KCNB2: variants seen among roughly 807,000 people sequenced by gnomAD.
KCNB2 encodes potassium voltage-gated channel subfamily B member 2.
KCNB2 carries 15 observed loss-of-function variants against 61.5 expected under a neutral mutation model. The observed-to-expected ratio is 0.24, with a 90% CI of 0.16 to 0.38. The LOEUF is 0.38. Among genes scored for constraint, KCNB2 ranks in the 10% least tolerant of loss-of-function variants. KCNB2 has a pLI of 1.00. For missense variants in KCNB2, 828 were observed against 1,125.2 expected, an observed-to-expected ratio of 0.74 and a Z score of 3.78; for synonymous variants, 457 against 446.0, an observed-to-expected ratio of 1.02 and a Z score of -0.31.
chr8:72,935,897 T>C, intron 2 of KCNB2, 38 bp from the exon 3 acceptor site: 1 of 1,492,278 alleles, frequency 6.7e-7, no homozygotes, highest in South Asian at 1.2e-5. Flanking sequence ...CCTAAGCAAC[T>C]AAGAGGATTT....
intron 1 of KCNB2, among the ~76,000 whole-genome samples, chr8:72,558,868 G>A (rs975511072): frequency 1.3e-5 from 2 of 152,138 alleles, no homozygotes; most frequent in Non-Finnish European, 2.9e-5. Flanking sequence ...TGGATCGTCA[G>A]GGAGGTCAGG....
chr8:72,905,303 A>G (rs1449102880), intron 2 of KCNB2, among the ~76,000 whole-genome samples: 1 of 152,130 alleles, frequency 6.6e-6, no homozygotes, highest in Non-Finnish European at 1.5e-5. Context: ...TTGCCCCTTT[A>G]GTCTGGCCAC....
At chr8:72,847,849 A>T (rs1332094885) in intron 2 of KCNB2, among the ~76,000 whole-genome samples, 1 of 152,214 alleles carries the variant, frequency 6.6e-6, no homozygotes, top group Non-Finnish European at 1.5e-5. Flanking sequence ...CATGTAACCC[A>T]GATAGTCATC....
chr8:72,825,255 CAGAG>C (rs144289011), intron 2 of KCNB2, among the ~76,000 whole-genome samples: 1 of 151,744 alleles, frequency 6.6e-6, no homozygotes, highest in African/African-American at 2.4e-5. Context: ...AATAATATTC[CAGAG>C]AGAGAGAGAG....
intron 2 of KCNB2, among the ~76,000 whole-genome samples, chr8:72,592,467 G>T (rs1238684891): frequency 1.3e-5 from 2 of 151,960 alleles, no homozygotes; most frequent in African/African-American, 2.4e-5. Flanking sequence ...GTGTGTGTGT[G>T]TGTGTGTGTG....
Position 72,561,691 on chromosome 8 carries a change from TTATATATA to T in KCNB2, c.-93-5921_-93-5914del, listed in dbSNP as rs1172254677. The stretch of plus-strand genomic sequence containing the variant: ...GCTGAAAATTTCCAGGATCTTACTT[TTATATATA>T]TATATATATATATATATATATATAT... On this transcript the variant is annotated intron_variant, in intron 1 of 2. Transcript: ENST00000523207. 2.1e-4 allele frequency among the ~76,000 whole-genome samples: 4 copies of T among 19,404 alleles called. 1 individual carries two copies. The highest frequency in any genetic ancestry group is 8.8e-4 in the Admixed American group (1 of 1,138). The allele number at this position is 19,404 out of a possible 152,430, so 12.7% of individuals were successfully genotyped here. A position where few individuals can be genotyped will look rare whatever the true frequency, so the allele number is the denominator to read the frequency against.
intron 2 of KCNB2, among the ~76,000 whole-genome samples, chr8:72,614,368 G>C (rs575779915): frequency 1.3e-5 from 2 of 152,304 alleles, no homozygotes; most frequent in African/African-American, 4.8e-5. Context: ...GGTAGGTGTG[G>C]AATCAGAGAG....
At chr8:72,757,902 G>T (rs1808316215) in intron 2 of KCNB2, among the ~76,000 whole-genome samples, 1 of 152,200 alleles carries the variant, frequency 6.6e-6, no homozygotes, top group Admixed American at 6.5e-5. Flanking sequence ...CAAGTTCAAA[G>T]GTTACAAGTG....
At chr8:72,540,384 T>C (rs1282876960) in intron 1 of KCNB2, among the ~76,000 whole-genome samples, 1 of 152,228 alleles carries the variant, frequency 6.6e-6, no homozygotes, top group Non-Finnish European at 1.5e-5. Flanking sequence ...TTTGTTTATA[T>C]TCTTCAGATT....
intron 2 of KCNB2, among the ~76,000 whole-genome samples, chr8:72,874,148 TTTTAC>T (rs1306138416): frequency 1.3e-5 from 2 of 152,236 alleles, no homozygotes; most frequent in Non-Finnish European, 2.9e-5. Flanking sequence ...GAGACTATTC[TTTTAC>T]TTTAACTCAT....
chr8:72,791,344 G>C (rs1361535104), intron 2 of KCNB2, among the ~76,000 whole-genome samples: 3 of 152,132 alleles, frequency 2.0e-5, no homozygotes, highest in Admixed American at 6.5e-5. Flanking sequence ...GAAGCCAGGA[G>C]TTTGAGACCG....
intron 2 of KCNB2, among the ~76,000 whole-genome samples, chr8:72,628,757 G>T (rs73305866): frequency 1.3e-5 from 2 of 152,022 alleles, no homozygotes; most frequent in African/African-American, 2.4e-5. Context: ...GGAATAGGCC[G>T]AGCCCACCTC....
In KCNB2 at chr8:72,937,389, C is replaced by T. The variant is rs374713448; in HGVS notation, c.2034C>T (p.Leu678=). The T allele has an allele frequency of 8.1e-6, 13 of 1,613,932 alleles. No homozygotes were observed. Among genetic ancestry groups the T allele is most frequent in the Non-Finnish European group, 1.0e-5 (12 of 1,180,010 alleles). Residue 678 remains leucine (L), a synonymous_variant, in exon 3 of 3, where the codon CTC becomes CTT. Coordinates refer to ENST00000523207, the MANE Select transcript of KCNB2 (RefSeq NM_004770.3). The part of the protein sequence containing the change: ...EYAPVDITVN[L]DASGSQCGLH... Reference sequence around the variant, plus strand: ...CCCCAGTTGACATAACTGTGAACCTCGATGCCAGTGGCTCCCAGTGTGGGC... The same window carrying T: ...CCCCAGTTGACATAACTGTGAACCTTGATGCCAGTGGCTCCCAGTGTGGGC...
At chr8:72,748,768 A>C (rs1276649141) in intron 2 of KCNB2, among the ~76,000 whole-genome samples, 1 of 151,938 alleles carries the variant, frequency 6.6e-6, no homozygotes, top group Non-Finnish European at 1.5e-5. Context: ...TATTGTGTAC[A>C]TGATGTTTTG....
chr8:72,592,028 A>G (rs936695152), intron 2 of KCNB2, among the ~76,000 whole-genome samples: 1 of 152,140 alleles, frequency 6.6e-6, no homozygotes, highest in Non-Finnish European at 1.5e-5. Context: ...TTGGCTTAGG[A>G]GATTCACATT....
chr8:72,687,630 A>G (rs1806872703), intron 2 of KCNB2, among the ~76,000 whole-genome samples: 1 of 152,194 alleles, frequency 6.6e-6, no homozygotes, highest in Admixed American at 6.5e-5. Flanking sequence ...CCACAAACTC[A>G]ATTGTTTCAA....
chr8:72,549,701 T>G (rs769745627), intron 1 of KCNB2, among the ~76,000 whole-genome samples: 1 of 152,190 alleles, frequency 6.6e-6, no homozygotes, highest in African/African-American at 2.4e-5. Context: ...CACTCACTGG[T>G]TAATCCATGC....
chr8:72,725,529 A>ATATATGTG (rs1807620766), intron 2 of KCNB2, among the ~76,000 whole-genome samples: 8 of 82,426 alleles, frequency 9.7e-5, no homozygotes, highest in African/African-American at 1.5e-4. Flanking sequence ...ATATATATAT[A>ATATATGTG]TATATATATA....
At chr8:72,746,772 C>T (rs563665334) in intron 2 of KCNB2, among the ~76,000 whole-genome samples, 5 of 152,284 alleles carry the variant, frequency 3.3e-5, no homozygotes, top group East Asian at 1.9e-4. Context: ...GGCCACATGA[C>T]GGCTAATTTG....
Sources: gnomAD v4.1 joint callset for allele counts (sites outside exome capture counted in the v4.1 genomes callset) on GRCh38, gnomAD v4.1.1 for gene constraint, MANE v1.5 for transcripts, NCBI Gene and HGNC (gene_info 2026-07-23, HGNC 2026-07-21) for gene names.